Variants in TET3 observed in about 807,000 individuals in gnomAD.
TET3 encodes tet methylcytosine dioxygenase 3, also known as methylcytosine dioxygenase TET3.
A neutral mutation model predicts 141.4 loss-of-function variants in TET3; 19 were observed. The ratio of observed to expected loss-of-function variants is 0.13; its 90% confidence interval spans 0.09 to 0.20. TET3 has a LOEUF of 0.20. Ranked by LOEUF, TET3 falls within the 10% of genes least tolerant of loss-of-function variation. The pLI is 1.00. For synonymous variants in TET3, 1,043 were observed against 980.9 expected, an observed-to-expected ratio of 1.06 and a Z score of -1.18; for missense variants, 1,874 against 2,356.9, an observed-to-expected ratio of 0.80 and a Z score of 4.24.
At chr2:74,002,670 G>T (rs1684919226) in intron 2 of TET3, 1 of 407,264 alleles carries the variant, frequency 2.5e-6, no homozygotes, top group Non-Finnish European at 4.3e-6. Context: ...TCGCACACCA[G>T]CCCCGCGGCG....
At chr2:74,124,626 C>G in the TET3 span, among the ~76,000 whole-genome samples, 3 of 152,104 alleles carry the variant, frequency 2.0e-5, no homozygotes, top group East Asian at 5.8e-4. Context: ...TAACCTTACC[C>G]CCAACCCCGT....
chr2:74,064,224 G>A (rs920113990), intron 4 of TET3, among the ~76,000 whole-genome samples: 6 of 151,870 alleles, frequency 4.0e-5, no homozygotes, highest in Non-Finnish European at 5.9e-5. Context: ...CCGTATACAC[G>A]CATGAATTTG....
intron 5 of TET3, among the ~76,000 whole-genome samples, chr2:74,077,768 C>T (rs1689591072): frequency 6.6e-6 from 1 of 152,178 alleles, no homozygotes; most frequent in African/African-American, 2.4e-5. Context: ...TGGCAGTGTC[C>T]TCAGCTCACC....
chr2:74,031,531 A>G (rs1045805661), intron 3 of TET3, among the ~76,000 whole-genome samples: 1 of 152,160 alleles, frequency 6.6e-6, no homozygotes, highest in African/African-American at 2.4e-5. Flanking sequence ...ATGAAGCTTT[A>G]CACACTAAGA....
the TET3 span, among the ~76,000 whole-genome samples, chr2:74,130,048 T>C: frequency 6.6e-6 from 1 of 150,550 alleles, no homozygotes; most frequent in Non-Finnish European, 1.5e-5. Flanking sequence ...TGAGCGGAGA[T>C]TGTGCCACTG....
chr2:74,034,585 A>C (rs1686926572), intron 3 of TET3, among the ~76,000 whole-genome samples: 1 of 151,968 alleles, frequency 6.6e-6, no homozygotes, highest in Non-Finnish European at 1.5e-5. Context: ...TAAAAAAAAA[A>C]AAAAAAAAAC....
In TET3 at chr2:74,107,597, TTAAAGAAACAAGGGC is replaced by T. The variant is rs2104284501; in HGVS notation, c.*5422_*5436del. ...GTCATTTCTTTTTCATGTATTCCAA[TTAAAGAAACAAGGGC>T]AGGTCGTATAATGGCATATTAATAC... On this transcript the variant is annotated 3_prime_UTR_variant, in exon 12 of 12. Coordinates refer to ENST00000409262, the MANE Select transcript of TET3 (RefSeq NM_001287491.2). 1 of 152,274 alleles carries T rather than the reference TTAAAGAAACAAGGGC, an allele frequency of 6.6e-6. No homozygotes were observed. Among genetic ancestry groups the T allele is most frequent in the African/African-American group, 2.4e-5 (1 of 41,532 alleles). The allele number at this position is 152,274 out of a possible 1,614,324, so 9.4% of individuals were successfully genotyped here.
rs527436948 is a variant in TET3, at chr2:74,033,042, G to A, written c.361-13236G>A. On this transcript the variant is annotated intron_variant, in intron 3 of 11. Transcript: ENST00000409262. ...TGATCTGCCTCTGTGTTATAACTGC[G>A]TACAGCTCTCTAGCAACAGAAATAG... is the stretch of plus-strand genomic sequence containing the variant. Among the ~76,000 whole-genome samples the A allele has an allele frequency of 5.3e-5, 8 of 152,110 alleles. No homozygotes were observed. The South Asian group carries it at 6.2e-4, about 12-fold the overall frequency.
chr2:73,989,840 G>A (rs1684237737), intron 2 of TET3, among the ~76,000 whole-genome samples: 1 of 152,108 alleles, frequency 6.6e-6, no homozygotes, highest in Non-Finnish European at 1.5e-5. Context: ...AGTGGATAGG[G>A]CTGAGAACCC....
intron 3 of TET3, among the ~76,000 whole-genome samples, chr2:74,025,695 C>T (rs1686306992): frequency 6.6e-6 from 1 of 152,224 alleles, no homozygotes; most frequent in African/African-American, 2.4e-5. Context: ...ATCGTTACAA[C>T]CTCTCTTGTA....
At chr2:74,080,632 T>C in intron 6 of TET3, 41 bp downstream of exon 6, 1 of 1,517,302 alleles carries the variant, frequency 6.6e-7, no homozygotes, top group Non-Finnish European at 8.9e-7. Context: ...CTGTGCCTGG[T>C]TCCCCTTGCT....
rs184667825 is a variant in TET3 at position 74,012,636 on chromosome 2, T to G, written c.360+9470T>G. Among the ~76,000 whole-genome samples, 30 of 152,368 alleles carry G rather than the reference T, an allele frequency of 2.0e-4. 1 individual carries two copies. In the East Asian group the frequency reaches 5.6e-3, roughly 28 times the overall value. The stretch of plus-strand genomic sequence containing the variant: ...AGAGCTGATGCTTGTGTCTGTAGAC[T>G]GCTGCCTCCCTCCTAGGACCGTCTT... On this transcript the variant is annotated intron_variant, in intron 3 of 11. Coordinates refer to ENST00000409262, the MANE Select transcript of TET3 (RefSeq NM_001287491.2).
intron 7 of TET3, among the ~76,000 whole-genome samples, chr2:74,089,165 C>T (rs1690336180): frequency 6.6e-6 from 1 of 151,832 alleles, no homozygotes; most frequent in Non-Finnish European, 1.5e-5. Flanking sequence ...ATAAGCAAGC[C>T]CTCCCCTAGC....
At chr2:74,108,573 A>G (rs1558807651), downstream of TET3, among the ~76,000 whole-genome samples, 1 of 152,172 alleles carries the variant, frequency 6.6e-6, no homozygotes, top group Non-Finnish European at 1.5e-5. Context: ...TTGAACAGCA[A>G]GTCTAGTAGG....
intron 4 of TET3, among the ~76,000 whole-genome samples, chr2:74,058,056 T>G (rs1224275395): frequency 6.6e-6 from 1 of 151,614 alleles, no homozygotes; most frequent in East Asian, 1.9e-4. Flanking sequence ...AAAGATGAGG[T>G]GCTAAGTTAT....
Position 74,068,094 on chromosome 2 carries a change from C to A in TET3, c.2495-5455C>A, listed in dbSNP as rs1170517969. Among the ~76,000 whole-genome samples, 6 of 152,258 alleles carry A rather than the reference C, an allele frequency of 3.9e-5. No individual in the cohort carries two copies. In the East Asian group the frequency reaches 1.2e-3, roughly 29 times the overall value. On this transcript the variant is annotated intron_variant, in intron 4 of 11. Transcript: ENST00000409262. ...AGGACAGTAGGGAGGGGTGAGGAGC[C>A]TCCATGAGTAGACGCCGTCAGTGGC...
intron 3 of TET3, among the ~76,000 whole-genome samples, chr2:74,019,644 G>A (rs1330419091): frequency 1.3e-5 from 2 of 152,190 alleles, no homozygotes; most frequent in Non-Finnish European, 2.9e-5. Flanking sequence ...TGATGAGAGG[G>A]ACAGTGAGCT....
At chr2:73,987,728 G>A (rs1684112989) in intron 2 of TET3, among the ~76,000 whole-genome samples, 1 of 152,186 alleles carries the variant, frequency 6.6e-6, no homozygotes, top group African/African-American at 2.4e-5. Context: ...CCCCCTCTCT[G>A]GGCCTGTCTT....
chr2:74,002,929 T>A, intron 2 of TET3, 181 bp from the exon 3 acceptor site: 1 of 631,980 alleles, frequency 1.6e-6, no homozygotes, highest in East Asian at 2.8e-5. Flanking sequence ...GGAGCCTGTC[T>A]GCCGTGATCC....
Sources: gnomAD v4.1 joint callset for allele counts (sites outside exome capture counted in the v4.1 genomes callset) on GRCh38, gnomAD v4.1.1 for gene constraint, MANE v1.5 for transcripts, NCBI Gene and HGNC (gene_info 2026-07-23, HGNC 2026-07-21) for gene names.